Variants in RGS5 observed in about 807,000 individuals in gnomAD.
RGS5 encodes regulator of G protein signaling 5, also known as regulator of G-protein signalling 5.
RGS5 carries 20 observed loss-of-function variants against 18.9 expected under a neutral mutation model. That is an observed-to-expected ratio of 1.06 (90% CI 0.74 to 1.54). RGS5 has a LOEUF of 1.54. Ranked by LOEUF, RGS5 falls within the 40% of genes most tolerant of loss-of-function variation. The probability of loss-of-function intolerance (pLI) is 0.00; values close to 1 mark genes in which losing one functional copy is unlikely to be tolerated. For missense variants in RGS5, 201 were observed against 211.8 expected (o/e 0.95, Z 0.32); for synonymous variants, 57 against 76.2 (o/e 0.75, Z 1.31).
intron 2 of RGS5, chr1:163,244,844 G>A (rs1647885637): frequency 6.6e-6 from 1 of 152,178 alleles, no homozygotes; most frequent in Non-Finnish European, 1.5e-5. Context: ...AAGTCTAATG[G>A]TATGGACATT....
chr1:163,288,622 G>A (rs1435274954), intron 2 of RGS5, among the ~76,000 whole-genome samples: 2 of 151,994 alleles, frequency 1.3e-5, no homozygotes, highest in East Asian at 1.9e-4. Context: ...TGTTTTACAG[G>A]CTTTTAGCAG....
At chr1:163,152,789 G>C (rs1657426517) in intron 3 of RGS5, 73 bp from the exon 4 acceptor site, 4 of 1,393,348 alleles carry the variant, frequency 2.9e-6, no homozygotes, top group Non-Finnish European at 3.9e-6. Flanking sequence ...ATGAGAGAAA[G>C]GGAAAGGGCT....
At chr1:163,226,150 C>A (rs1252749580) in intron 2 of RGS5, among the ~76,000 whole-genome samples, 1 of 150,584 alleles carries the variant, frequency 6.6e-6, no homozygotes, top group Non-Finnish European at 1.5e-5. Flanking sequence ...AAACTCCCAA[C>A]CTCAGGTGAT....
intron 1 of RGS5, among the ~76,000 whole-genome samples, chr1:163,179,639 CT>C (rs1388710442): frequency 1.3e-5 from 2 of 152,110 alleles, no homozygotes; most frequent in Non-Finnish European, 2.9e-5. Flanking sequence ...TATGGGTGAT[CT>C]TGAATATGTT....
At chr1:163,296,231 G>T (rs1197484201) in intron 2 of RGS5, among the ~76,000 whole-genome samples, 1 of 152,138 alleles carries the variant, frequency 6.6e-6, no homozygotes, top group African/African-American at 2.4e-5. Flanking sequence ...GCTGTAGAGA[G>T]AAAAATTATG....
chr1:163,296,256 T>C (rs949255478), intron 2 of RGS5, among the ~76,000 whole-genome samples: 5 of 152,216 alleles, frequency 3.3e-5, no homozygotes, highest in African/African-American at 9.6e-5. Context: ...AATAGAAAAC[T>C]ATAGTACACC....
chr1:163,195,212 A>T (rs1159368603), intron 1 of RGS5, among the ~76,000 whole-genome samples: 1 of 152,202 alleles, frequency 6.6e-6, no homozygotes, highest in Non-Finnish European at 1.5e-5. Flanking sequence ...GAGTGAGTGG[A>T]TAAAGACAAT....
At chr1:163,235,373 G>T (rs1042722825) in intron 2 of RGS5, among the ~76,000 whole-genome samples, 8 of 152,142 alleles carry the variant, frequency 5.3e-5, no homozygotes, top group Admixed American at 3.9e-4. Flanking sequence ...AAAGTAGTAG[G>T]ATATTGGCTG....
At chr1:163,321,475 A>C (rs1650207549) in intron 1 of RGS5, 1 of 152,108 alleles carries the variant, frequency 6.6e-6, no homozygotes, top group Non-Finnish European at 1.5e-5. Flanking sequence ...CAGAGCCCTC[A>C]CCTGAGGGGA....
intron 1 of RGS5, among the ~76,000 whole-genome samples, chr1:163,193,112 T>C (rs1460019494): frequency 1.3e-5 from 2 of 152,194 alleles, no homozygotes; most frequent in Non-Finnish European, 2.9e-5. Flanking sequence ...AAGTACTTTA[T>C]TTCGTGTTGC....
chr1:163,211,987 T>G (rs1218914173), intron 1 of RGS5: 1 of 152,224 alleles, frequency 6.6e-6, no homozygotes, highest in African/African-American at 2.4e-5. Flanking sequence ...TGAAGGACAT[T>G]TTAAAAACAA....
intron 2 of RGS5, chr1:163,304,088 TAA>T (rs1649634065): frequency 6.6e-6 from 1 of 152,200 alleles, no homozygotes. Flanking sequence ...TTTCAAATTG[TAA>T]AGTCTTAAGA....
chr1:163,262,051 G>A (rs1648455384), intron 2 of RGS5, among the ~76,000 whole-genome samples: 1 of 151,906 alleles, frequency 6.6e-6, no homozygotes, highest in South Asian at 2.1e-4. Flanking sequence ...ACAATCTAGA[G>A]GCGAGGAGGC....
intron 1 of RGS5, among the ~76,000 whole-genome samples, chr1:163,176,703 A>G (rs1658576596): frequency 6.6e-6 from 1 of 152,226 alleles, no homozygotes; most frequent in East Asian, 1.9e-4. Context: ...TCAACAAATT[A>G]AAAGTATGTT....
chr1:163,279,260 C>A (rs762681692), intron 2 of RGS5, among the ~76,000 whole-genome samples: 3 of 152,010 alleles, frequency 2.0e-5, no homozygotes, highest in East Asian at 1.9e-4. Flanking sequence ...ACAGGATAGA[C>A]CATGTTAGGC....
intron 2 of RGS5, among the ~76,000 whole-genome samples, chr1:163,264,735 A>G (rs544939667): frequency 6.6e-6 from 1 of 152,130 alleles, no homozygotes; most frequent in Admixed American, 6.6e-5. Flanking sequence ...ATGATCTCCT[A>G]TCCTTAGAGT....
Position 163,168,386 on chromosome 1 carries a change from A to C in RGS5, c.45-18T>G, listed in dbSNP as rs886624584. On this transcript the variant is annotated intron_variant, in intron 1 of 4. Coordinates refer to ENST00000313961, the MANE Select transcript of RGS5 (RefSeq NM_003617.4). ...CCTTGGCCCTGAAAGAAGAGACACA[A>C]GGGGAAATGAGGACACCACATGTGC... 1 of 1,551,838 alleles carries C rather than the reference A, an allele frequency of 6.4e-7. No individual in the cohort carries two copies. The highest frequency in any genetic ancestry group is 1.7e-5 in the Admixed American group (1 of 59,940).
chr1:163,291,677 C>T (rs909927883), intron 2 of RGS5, among the ~76,000 whole-genome samples: 1 of 152,118 alleles, frequency 6.6e-6, no homozygotes, highest in Non-Finnish European at 1.5e-5. Flanking sequence ...GTGGCCCCAC[C>T]CAGAAGTGGC....
intron 2 of RGS5, among the ~76,000 whole-genome samples, chr1:163,268,382 G>T (rs955027948): frequency 6.6e-6 from 1 of 152,102 alleles, no homozygotes; most frequent in African/African-American, 2.4e-5. Flanking sequence ...AAACAGGTGT[G>T]AGAGTTAAAG....
Sources: gnomAD v4.1 joint callset for allele counts (sites outside exome capture counted in the v4.1 genomes callset) on GRCh38, gnomAD v4.1.1 for gene constraint, MANE v1.5 for transcripts, NCBI Gene and HGNC (gene_info 2026-07-23, HGNC 2026-07-21) for gene names.